Variants in ZMYM4 observed in about 807,000 individuals in gnomAD.
ZMYM4 encodes the protein zinc finger MYM-type containing 4, also known as zinc finger MYM-type protein 4.
A neutral mutation model predicts 183.2 loss-of-function variants in ZMYM4; 31 were observed. That is an observed-to-expected ratio of 0.17 (90% CI 0.13 to 0.23). The LOEUF is 0.23. Ranked by LOEUF, ZMYM4 falls within the 10% of genes least tolerant of loss-of-function variation. The pLI is 1.00. For missense variants in ZMYM4, 1,273 were observed against 1,840.3 expected (o/e 0.69, Z 5.64); for synonymous variants, 592 against 631.2 (o/e 0.94, Z 0.93).
chr1:35,295,892 A>T (rs541158), intron 1 of ZMYM4: 1 of 152,182 alleles, frequency 6.6e-6, no homozygotes, highest in Non-Finnish European at 1.5e-5. Flanking sequence ...TTTTTCTGTT[A>T]TATAGATTAA....
intron 1 of ZMYM4, among the ~76,000 whole-genome samples, chr1:35,286,781 T>A (rs1339944842): frequency 9.5e-5 from 7 of 73,730 alleles, no homozygotes; most frequent in African/African-American, 4.8e-4. Context: ...AATTTTTTTT[T>A]TTTTTTTTTT....
chr1:35,362,431 G>A (rs1643959370), intron 5 of ZMYM4, among the ~76,000 whole-genome samples: 1 of 152,206 alleles, frequency 6.6e-6, no homozygotes, highest in African/African-American at 2.4e-5. Context: ...TGCAGTTAAT[G>A]ATGTTGCTGT....
chr1:35,301,110 C>A (rs563956190), intron 1 of ZMYM4, among the ~76,000 whole-genome samples: 1 of 152,252 alleles, frequency 6.6e-6, no homozygotes, highest in South Asian at 2.1e-4. Context: ...ATAAACAAGT[C>A]TTTTTGAGGC....
At chr1:35,354,793 G>T (rs1410312963) in intron 2 of ZMYM4, among the ~76,000 whole-genome samples, 1 of 135,204 alleles carries the variant, frequency 7.4e-6, no homozygotes, top group Non-Finnish European at 1.6e-5. Flanking sequence ...TGTATTCAAA[G>T]TATCAAAAAC....
chr1:35,305,605 G>A (rs1337006756), intron 1 of ZMYM4, among the ~76,000 whole-genome samples: 2 of 151,704 alleles, frequency 1.3e-5, no homozygotes, highest in East Asian at 3.9e-4. Context: ...GTGCAGTGGC[G>A]TAATCATAAC....
intron 15 of ZMYM4, among the ~76,000 whole-genome samples, chr1:35,390,729 C>T (rs1644686269): frequency 6.6e-6 from 1 of 152,090 alleles, no homozygotes; most frequent in Admixed American, 6.5e-5. Context: ...AATATTGAAT[C>T]AAATAAACTC....
rs1309732150 is a variant in ZMYM4 at position 35,268,993 on chromosome 1, G to C, written c.-54G>C. 1.3e-6 allele frequency: 2 copies of C among 1,505,956 alleles called. No individual in the cohort carries two copies. The highest frequency in any genetic ancestry group is 2.9e-5 in the African/African-American group (2 of 69,190). The allele number at this position is 1,505,956 out of a possible 1,614,324, so 93.3% of individuals were successfully genotyped here. ...GTGTGGGCGGGGGCCGGGGGGCCGAGAGGTACCGCCGCCACCGCGCGGGGA... is the reference window on the plus strand; with the variant it reads ...GTGTGGGCGGGGGCCGGGGGGCCGACAGGTACCGCCGCCACCGCGCGGGGA... On this transcript the variant is annotated 5_prime_UTR_variant, in exon 1 of 30. Coordinates refer to ENST00000314607, the MANE Select transcript of ZMYM4 (RefSeq NM_005095.3).
chr1:35,281,877 A>G (rs1392671386), intron 1 of ZMYM4, among the ~76,000 whole-genome samples: 2 of 152,158 alleles, frequency 1.3e-5, no homozygotes. Context: ...GAAGTTGCCT[A>G]TTCTAGATAT....
chr1:35,302,861 C>T (rs901537225), intron 1 of ZMYM4, among the ~76,000 whole-genome samples: 1 of 151,822 alleles, frequency 6.6e-6, no homozygotes, highest in Non-Finnish European at 1.5e-5. Context: ...AAAAGAGAGC[C>T]TGATGTGGTG....
chr1:35,396,038 C>T (rs946813179), intron 18 of ZMYM4, among the ~76,000 whole-genome samples: 4 of 152,186 alleles, frequency 2.6e-5, no homozygotes, highest in African/African-American at 9.7e-5. Context: ...CTCCCATCAT[C>T]TTAGCTCTAC....
chr1:35,411,553 T>A (rs1639898489), intron 26 of ZMYM4, among the ~76,000 whole-genome samples: 1 of 152,212 alleles, frequency 6.6e-6, no homozygotes, highest in Non-Finnish European at 1.5e-5. Context: ...GGAAATGTGG[T>A]TCCTCAAAAT....
intron 2 of ZMYM4, among the ~76,000 whole-genome samples, chr1:35,356,625 T>G (rs568358942): frequency 2.0e-5 from 3 of 152,234 alleles, no homozygotes; most frequent in Non-Finnish European, 4.4e-5. Flanking sequence ...TCATACTGTT[T>G]CTAATTTTCT....
intron 2 of ZMYM4, 99 bp from the exon 3 acceptor site, chr1:35,358,826 G>A (rs1643882389): frequency 9.8e-7 from 1 of 1,022,612 alleles, no homozygotes; most frequent in African/African-American, 1.6e-5. Flanking sequence ...TCTGTATTTT[G>A]TTTGAAAAAA....
At chr1:35,383,574 T>C (rs1225519514) in intron 9 of ZMYM4, among the ~76,000 whole-genome samples, 1 of 152,104 alleles carries the variant, frequency 6.6e-6, no homozygotes, top group African/African-American at 2.4e-5. Context: ...AATCCCCACA[T>C]CTTCATTGTT....
At position 35,275,280 on chromosome 1, in the gene ZMYM4, C is replaced by T. The variant is rs143486852; in HGVS notation, c.39+6195C>T. 3.1e-4 allele frequency among the ~76,000 whole-genome samples: 47 copies of T among 151,884 alleles called. 1 individual carries two copies. In the South Asian group the frequency reaches 4.2e-3, roughly 13 times the overall value. ...TTTTTGAGACAGAGTCTTGCTCTGT[C>T]GCCTAGGCTGGAGTACAGTGGTGCC... On this transcript the variant is annotated intron_variant, in intron 1 of 29. Coordinates refer to ENST00000314607, the MANE Select transcript of ZMYM4 (RefSeq NM_005095.3).
chr1:35,354,644 T>A (rs561674078), intron 2 of ZMYM4, among the ~76,000 whole-genome samples: 3 of 148,396 alleles, frequency 2.0e-5, no homozygotes, highest in African/African-American at 7.6e-5. Flanking sequence ...GGAGAATCGC[T>A]TGAACCTGGG....
At chr1:35,308,843 A>G (rs1641669616) in intron 1 of ZMYM4, among the ~76,000 whole-genome samples, 1 of 152,186 alleles carries the variant, frequency 6.6e-6, no homozygotes, top group African/African-American at 2.4e-5. Flanking sequence ...CCTGGGTGAC[A>G]GAGTGAGACC....
chr1:35,270,377 T>C (rs1471742930), intron 1 of ZMYM4, among the ~76,000 whole-genome samples: 2 of 152,172 alleles, frequency 1.3e-5, no homozygotes, highest in Non-Finnish European at 2.9e-5. Flanking sequence ...TTCCAACAAT[T>C]TATTAGGAAA....
At chr1:35,372,399 A>G (rs982311491) in intron 7 of ZMYM4, among the ~76,000 whole-genome samples, 2 of 152,210 alleles carry the variant, frequency 1.3e-5, no homozygotes, top group Non-Finnish European at 2.9e-5. Context: ...GTGTCAGGGA[A>G]TGTTGGTTAA....
Sources: allele counts gnomAD v4.1 joint callset (sites outside exome capture counted in the v4.1 genomes callset), GRCh38; gene constraint gnomAD v4.1.1; transcripts MANE v1.5; gene names NCBI Gene and HGNC (gene_info 2026-07-23, HGNC 2026-07-21).